ARHGAP27: variants seen among roughly 807,000 people sequenced by gnomAD.
ARHGAP27 encodes the protein rho GTPase-activating protein 27.
ARHGAP27 carries 53 observed loss-of-function variants against 102.0 expected under a neutral mutation model. The observed-to-expected ratio is 0.52, with a 90% CI of 0.42 to 0.65. The LOEUF is 0.65. ARHGAP27 is among the 30% of genes least tolerant of loss of function. The pLI is 0.00. For synonymous variants in ARHGAP27, 525 were observed against 542.8 expected (o/e 0.97, Z 0.46); for missense variants, 1,117 against 1,256.2 (o/e 0.89, Z 1.68).
At position 45,395,490 on chromosome 17, in the gene ARHGAP27, A is replaced by G; in HGVS notation, c.2636T>C (p.Leu879Pro). ...CGGGAAGATGTCCGCGCACTGCTGC[A>G]GGATGAGCTCCACCACCTGGTTCTG... ...VFQNQVVELI[L>P]QQCADIFPPH is the part of the protein sequence containing the mutation. The change falls in exon 20 of 20, where the codon CTG becomes CCG. Residue 879 changes from leucine (L) to proline (P), a missense_variant. By Grantham distance (98) the Leu-to-Pro change is moderately conservative. This residue lies in a region of ARHGAP27 where 493 missense variants were observed against 505.5 expected (regional missense o/e 0.98). Coordinates refer to ENST00000685559, the MANE Select transcript of ARHGAP27 (RefSeq NM_001282290.2). The G allele has an allele frequency of 6.3e-7, 1 of 1,584,722 alleles. No homozygotes were observed.
At position 45,430,151 on chromosome 17, in the gene ARHGAP27, C is replaced by G. The variant is rs1306021547; in HGVS notation, c.129G>C (p.Glu43Asp). The part of the protein sequence containing the change: ...ERYRLLRRST[E>D]HWWHVRREPG... The stretch of plus-strand genomic sequence containing the variant: ...GCTCACGCCGCACGTGCCACCAGTG[C>G]TCGGTGCTGCGCCGCAGCAGCCGGT... Residue 43 changes from glutamate (E) to aspartate (D), a missense_variant, in exon 4 of 20, where the codon GAG (glutamate) becomes GAC (aspartate). This residue lies in a region of ARHGAP27 where 610 missense variants were observed against 716.4 expected (regional missense o/e 0.85). Transcript: ENST00000685559. This position sits in a 1 kb window ranked among gnomAD's most constrained non-coding sequence, Gnocchi z 4.4. 4.6e-6 allele frequency: 7 copies of G among 1,534,664 alleles called. No individual in the cohort carries two copies. The highest frequency in any genetic ancestry group is 1.4e-5 in the African/African-American group (1 of 73,046).
intron 4 of ARHGAP27, 52 bp from the exon 5 acceptor site, chr17:45,406,135 G>C: frequency 6.8e-7 from 1 of 1,468,152 alleles, no homozygotes; most frequent in South Asian, 1.3e-5. Context: ...TTCCAAAATG[G>C]TAACAGAGGT....
chr17:45,404,685 T>C lies in ARHGAP27; in HGVS notation c.1249-4A>G. ...GGGGGTCCTCCAGCCTCACCCACTG[T>C]GGGGAGAGGAATGGTCAGGGCCTCC... On this transcript the variant is annotated splice_region_variant and splice_polypyrimidine_tract_variant and intron_variant, in intron 6 of 19. Transcript: ENST00000685559. 6.2e-7 allele frequency: 1 copy of C among 1,608,086 alleles called. No individual in the cohort carries two copies. Among genetic ancestry groups the C allele is most frequent in the South Asian group, 1.1e-5 (1 of 90,664 alleles).
At chr17:45,429,339 C>T (rs1302666425) in intron 4 of ARHGAP27, 8 of 1,076,298 alleles carry the variant, frequency 7.4e-6, no homozygotes, top group Non-Finnish European at 9.9e-6. Context: ...TAAAGACCAT[C>T]AGCAGCCTCA....
At chr17:45,425,585 G>A (rs2049517049) in intron 4 of ARHGAP27, 1 of 985,610 alleles carries the variant, frequency 1.0e-6, no homozygotes. Context: ...TGGAGGAGAA[G>A]GAATGAGGGC....
chr17:45,425,613 C>T, intron 4 of ARHGAP27: 2 of 985,546 alleles, frequency 2.0e-6, no homozygotes, highest in Non-Finnish European at 2.4e-6. Flanking sequence ...TCCTTCCAGT[C>T]GGGGCTGCCT....
chr17:45,414,503 T>C (rs1045237862), intron 4 of ARHGAP27, among the ~76,000 whole-genome samples: 5 of 151,314 alleles, frequency 3.3e-5, no homozygotes, highest in Non-Finnish European at 7.4e-5. Context: ...AGTGGCACGA[T>C]CATGGTTCAC....
chr17:45,426,016 CA>C lies in ARHGAP27; in HGVS notation c.657+3606del, dbSNP rs544147312. Reference sequence around the variant, plus strand: ...TCCTGGGACATCAACTCTTCCACAACAGGGCTGGGCACGCAGGACGCTCAGA... The same window carrying C: ...TCCTGGGACATCAACTCTTCCACAACGGGCTGGGCACGCAGGACGCTCAGA... On this transcript the variant is annotated intron_variant, in intron 4 of 19. Coordinates refer to ENST00000685559, the MANE Select transcript of ARHGAP27 (RefSeq NM_001282290.2). Among the ~76,000 whole-genome samples, 883 of 152,300 alleles carry C rather than the reference CA, an allele frequency of 5.8e-3. 8 individuals are homozygous for C. The highest frequency in any genetic ancestry group is 8.2e-3 in the Non-Finnish European group (557 of 68,014).
At chr17:45,418,294 C>T (rs1230076) in intron 4 of ARHGAP27, among the ~76,000 whole-genome samples, 72,113 of 147,972 alleles carry the variant, frequency 0.49, 18,456 homozygotes, top group South Asian at 0.6. Flanking sequence ...AAAAAAAAAT[C>T]CCTTAAACTT....
chr17:45,407,501 TTTCTTTTTCTTTTTTTTC>T (rs2047331923), intron 4 of ARHGAP27: 1 of 148,302 alleles, frequency 6.7e-6, no homozygotes, highest in Non-Finnish European at 1.5e-5. Context: ...TTCTTTTCTT[TTTCTTTTTCTTTTTTTTC>T]TTTTTTTTTT....
At position 45,397,941 on chromosome 17, in the gene ARHGAP27, C is replaced by T. The variant is rs1224079358; in HGVS notation, c.1842+8G>A. ...CCACTGCCCCTAGAGGCCCTGGGCT[C>T]TGCTTACCAGCTCCTGGATGCCCTG... On this transcript the variant is annotated splice_region_variant and intron_variant, in intron 13 of 19. Coordinates refer to ENST00000685559, the MANE Select transcript of ARHGAP27 (RefSeq NM_001282290.2). 2 of 1,602,168 alleles carry T rather than the reference C, an allele frequency of 1.2e-6. No homozygotes were observed. Among genetic ancestry groups the T allele is most frequent in the South Asian group, 1.1e-5 (1 of 90,384 alleles).
At position 45,429,870 on chromosome 17, in the gene ARHGAP27, G is replaced by C; in HGVS notation, c.410C>G (p.Pro137Arg). 7.6e-7 allele frequency: 1 copy of C among 1,309,542 alleles called. No homozygotes were observed. The highest frequency in any genetic ancestry group is 9.7e-7 in the Non-Finnish European group (1 of 1,033,904). The allele number at this position is 1,309,542 out of a possible 1,614,324, so 81.1% of individuals were successfully genotyped here. The change falls in exon 4 of 20, where the codon CCC becomes CGC. Residue 137 changes from proline to arginine, a missense_variant. This residue lies in a region of ARHGAP27 where 610 missense variants were observed against 716.4 expected (regional missense o/e 0.85). Transcript: ENST00000685559. Reference sequence around the variant, plus strand: ...CAGGTACAGGCAGGCTGGCAGGCCGGGCGCCAGGCTGCTGCGCTGGGTCGC... The same window carrying C: ...CAGGTACAGGCAGGCTGGCAGGCCGCGCGCCAGGCTGCTGCGCTGGGTCGC... ...GAATQRSSLAPGLPACLYLRP... is the reference protein window; with the variant it reads ...GAATQRSSLARGLPACLYLRP...
intron 4 of ARHGAP27, among the ~76,000 whole-genome samples, chr17:45,416,412 TA>T (rs1032484669): frequency 6.0e-4 from 91 of 151,810 alleles, no homozygotes; most frequent in African/African-American, 2.1e-3. Context: ...TCATCAGCAA[TA>T]AATAAATAAA....
Position 45,421,918 on chromosome 17 carries a change from C to T in ARHGAP27, c.657+7705G>A, listed in dbSNP as rs1289101238. Among the ~76,000 whole-genome samples, 3 of 152,142 alleles carry T rather than the reference C, an allele frequency of 2.0e-5. No homozygotes were observed. In the East Asian group the frequency reaches 5.8e-4, roughly 29 times the overall value. ...CAGTGCCTCATACCTGTAATCCCAGCACTTTGGGAGGGTGAGGCAGGTGGA... is the reference window on the plus strand; with the variant it reads ...CAGTGCCTCATACCTGTAATCCCAGTACTTTGGGAGGGTGAGGCAGGTGGA... On this transcript the variant is annotated intron_variant, in intron 4 of 19. Transcript: ENST00000685559.
At chr17:45,423,121 C>T (rs57382128) in intron 4 of ARHGAP27, among the ~76,000 whole-genome samples, 5,717 of 152,030 alleles carry the variant, frequency 0.038, 374 homozygotes, top group African/African-American at 0.13. Context: ...GTGGAGGTTG[C>T]GGTGAGCCGA....
chr17:45,424,128 C>T (rs1429051215), intron 4 of ARHGAP27, among the ~76,000 whole-genome samples: 1 of 152,180 alleles, frequency 6.6e-6, no homozygotes, highest in Admixed American at 6.5e-5. Context: ...TCACAGGGGA[C>T]CCCCAGCCAG....
rs572284342 is a variant in ARHGAP27 at position 45,427,962 on chromosome 17, T to C, written c.657+1661A>G. The stretch of plus-strand genomic sequence containing the variant: ...CAGGACCTGGGCAGTCTCCTTCCTC[T>C]TTGGTCCTGGGGCCTGGGGTGTTGG... On this transcript the variant is annotated intron_variant, in intron 4 of 19. Coordinates refer to ENST00000685559, the MANE Select transcript of ARHGAP27 (RefSeq NM_001282290.2). The surrounding 1 kb of genome is among the most constrained non-coding windows in gnomAD (Gnocchi z 4.5). Among the ~76,000 whole-genome samples, 1 of 152,204 alleles carries C rather than the reference T, an allele frequency of 6.6e-6. No homozygotes were observed.
In ARHGAP27 at chr17:45,403,633, C is replaced by T; in HGVS notation, c.1624G>A (p.Ala542Thr). 6.2e-7 allele frequency: 1 copy of T among 1,613,948 alleles called. No individual in the cohort carries two copies. The highest frequency in any genetic ancestry group is 8.5e-7 in the Non-Finnish European group (1 of 1,180,000). The change falls in exon 11 of 20, where the codon GCT becomes ACT. Residue 542 changes from alanine to threonine, a missense_variant. By Grantham distance (58) the Ala-to-Thr change is moderately conservative. Transcript: ENST00000685559. ...CCTGGCCTTACCAGGCCGCCTGCAG[C>T]CGAGGTCTTTGAGTCCTTGAAGAAT... ...LTFFKDSKTS[A>T]AGGLRQPSKF...
In ARHGAP27 at chr17:45,397,022, G is replaced by C; in HGVS notation, c.1845C>G (p.Ser615=). The C allele has an allele frequency of 6.2e-7, 1 of 1,602,768 alleles. No homozygotes were observed. Among genetic ancestry groups the C allele is most frequent in the Non-Finnish European group, 8.5e-7 (1 of 1,179,936 alleles). ...CGCTCTCCTCTGGGGGCAGCTCTGCGGACTGGATTCCCATAGCCTCAGAGA... is the reference window on the plus strand; with the variant it reads ...CGCTCTCCTCTGGGGGCAGCTCTGCCGACTGGATTCCCATAGCCTCAGAGA... The part of the protein sequence containing the change: ...KAIAQGIQEL[S]AELPPEESES... The change falls in exon 14 of 20, where the codon TCC becomes TCG. Residue 615 remains serine, a splice_region_variant and synonymous_variant. Coordinates refer to ENST00000685559, the MANE Select transcript of ARHGAP27 (RefSeq NM_001282290.2).
Sources: allele counts gnomAD v4.1 joint callset (sites outside exome capture counted in the v4.1 genomes callset), GRCh38; gene constraint gnomAD v4.1.1; regional missense constraint gnomAD v4.1.1; non-coding constraint Gnocchi (gnomAD v3.1); transcripts MANE v1.5; gene names NCBI Gene and HGNC (gene_info 2026-07-23, HGNC 2026-07-21).